Variants in REV3L observed in about 807,000 individuals in gnomAD.
REV3L encodes DNA polymerase zeta catalytic subunit.
Under a neutral mutation model 299.4 loss-of-function variants are expected in REV3L, and 69 were observed. The ratio of observed to expected loss-of-function variants is 0.23; its 90% CI spans 0.19 to 0.28. The LOEUF is 0.28. Ranked by LOEUF, REV3L falls within the 10% of genes least tolerant of loss-of-function variation. The pLI is 1.00. For synonymous variants in REV3L, 1,238 were observed against 1,271.4 expected (o/e 0.97, Z 0.56); for missense variants, 3,128 against 3,693.8 (o/e 0.85, Z 3.97).
At chr6:111,440,183 C>T (rs928050932) in intron 1 of REV3L, among the ~76,000 whole-genome samples, 1 of 152,104 alleles carries the variant, frequency 6.6e-6, no homozygotes, top group Non-Finnish European at 1.5e-5. Context: ...TTTCCTACCT[C>T]GGCCTCCCTC....
chr6:111,320,589 C>G (rs1357498439), intron 26 of REV3L, among the ~76,000 whole-genome samples: 10 of 152,106 alleles, frequency 6.6e-5, no homozygotes, highest in African/African-American at 2.4e-4. Flanking sequence ...CAAGAACTTA[C>G]TTGTATTCTG....
intron 30 of REV3L, chr6:111,308,395 G>A: frequency 3.0e-6 from 1 of 337,364 alleles, no homozygotes; most frequent in Admixed American, 3.8e-5. Flanking sequence ...ACATATAGGT[G>A]GGCAAGATCA....
At chr6:111,474,988 T>TATATATACACACACAC (rs151075609) in intron 1 of REV3L, among the ~76,000 whole-genome samples, 75 of 145,950 alleles carry the variant, frequency 5.1e-4, no homozygotes, top group African/African-American at 1.9e-3. Context: ...TGCCTATATA[T>TATATATACACACACAC]ACACACACAC....
At chr6:111,310,910 A>C (rs1031836094) in intron 29 of REV3L, 159 bp downstream of exon 29, 3 of 480,484 alleles carry the variant, frequency 6.2e-6, no homozygotes, top group African/African-American at 5.9e-5. Context: ...ACATCTTACG[A>C]AGTATGAGGG....
At chr6:111,437,606 T>C (rs1306225058) in intron 1 of REV3L, among the ~76,000 whole-genome samples, 1 of 152,016 alleles carries the variant, frequency 6.6e-6, no homozygotes, top group Non-Finnish European at 1.5e-5. Flanking sequence ...TCACATATTA[T>C]ATGACTCCAT....
intron 26 of REV3L, among the ~76,000 whole-genome samples, chr6:111,316,692 A>T (rs896518405): frequency 6.6e-6 from 1 of 151,972 alleles, no homozygotes; most frequent in African/African-American, 2.4e-5. Flanking sequence ...AAAAAAAGAC[A>T]GACATATATT....
At chr6:111,422,205 A>G (rs1785435369) in intron 1 of REV3L, among the ~76,000 whole-genome samples, 3 of 152,178 alleles carry the variant, frequency 2.0e-5, no homozygotes, top group Admixed American at 6.5e-5. Flanking sequence ...AAATTATGTT[A>G]TATCTGTATA....
intron 24 of REV3L, chr6:111,330,293 G>A (rs773762906): frequency 2.2e-6 from 1 of 454,640 alleles, no homozygotes; most frequent in Non-Finnish European, 4.4e-6. Context: ...CATCCCCTCC[G>A]GCCTACATTT....
At position 111,376,411 on chromosome 6, in the gene REV3L, CTCTT is replaced by C; in HGVS notation, c.1940_1943del (p.Lys647ArgfsTer65). 6.2e-7 allele frequency: 1 copy of C among 1,613,628 alleles called. No homozygotes were observed. Among genetic ancestry groups the C allele is most frequent in the Non-Finnish European group, 8.5e-7 (1 of 1,179,796 alleles). On this transcript the variant is annotated frameshift_variant, in exon 13 of 32. Transcript: ENST00000368802. LOFTEE classifies it high-confidence loss of function. ...TTTCACAGGAAGATACTGGGAGGAT[CTCTT>C]TCTTACTATTCTCTTTATGAGAATT... is the stretch of plus-strand genomic sequence containing the variant.
intron 9 of REV3L, among the ~76,000 whole-genome samples, chr6:111,387,337 T>C (rs1309715413): frequency 6.6e-6 from 1 of 152,128 alleles, no homozygotes; most frequent in Non-Finnish European, 1.5e-5. Context: ...TAAAACTGGA[T>C]TGTGGAGACG....
rs773380269 is a variant in REV3L, at chr6:111,367,430, G to A, written c.6358C>T (p.Pro2120Ser). 1 of 1,611,524 alleles carries A rather than the reference G, an allele frequency of 6.2e-7. No individual in the cohort carries two copies. The highest frequency in any genetic ancestry group is 1.7e-5 in the Admixed American group (1 of 59,698). Reference protein sequence around the residue: ...DDNYYISYSSPDSPVIPPWQQ... With the variant: ...DDNYYISYSSSDSPVIPPWQQ... Reference sequence around the variant, plus strand: ...CAAGGGGGAATTACTGGAGAATCAGGGGAGCTATAACTAATGTAATAGTTA... The same window carrying A: ...CAAGGGGGAATTACTGGAGAATCAGAGGAGCTATAACTAATGTAATAGTTA... Residue 2120 changes from proline (P) to serine (S), a missense_variant, in exon 14 of 32, where the codon CCT becomes TCT. This residue lies in a region of REV3L where 2,409 missense variants were observed against 2,611.8 expected (regional missense o/e 0.92). Coordinates refer to ENST00000368802, the MANE Select transcript of REV3L (RefSeq NM_001372078.1).
In REV3L at chr6:111,376,648, G is replaced by A; in HGVS notation, c.1707C>T (p.Pro569=). ...GAAAGGTAATCTTAGCAGAAGATGA[G>A]GGTTCTAATGTAGCAGCATCTTTGT... The part of the protein sequence containing the change: ...IFHKDAATLE[P]SSSAKITFQC... Residue 569 remains proline, a synonymous_variant, in exon 13 of 32, where the codon CCC becomes CCT. Coordinates refer to ENST00000368802, the MANE Select transcript of REV3L (RefSeq NM_001372078.1). 6.2e-7 allele frequency: 1 copy of A among 1,612,584 alleles called. No individual in the cohort carries two copies. Among genetic ancestry groups the A allele is most frequent in the Non-Finnish European group, 8.5e-7 (1 of 1,179,828 alleles).
In REV3L at chr6:111,482,900, C is replaced by T. The variant is rs1042872720; in HGVS notation, c.-12G>A. 1.8e-5 allele frequency: 27 copies of T among 1,512,252 alleles called. No homozygotes were observed. Among genetic ancestry groups the T allele is most frequent in the Non-Finnish European group, 2.4e-5 (27 of 1,140,124 alleles). 93.7% of individuals were successfully genotyped at this position (1,512,252 alleles called of 1,614,324 possible). ...CTTACTGAAAACATGTTCGCCGCCG[C>T]CGCCACTGCCTCCCTTCACTGGCGA... is the stretch of plus-strand genomic sequence containing the variant. On this transcript the variant is annotated 5_prime_UTR_variant, in exon 1 of 32. Transcript: ENST00000368802.
intron 1 of REV3L, among the ~76,000 whole-genome samples, chr6:111,466,649 C>G (rs77191947): frequency 0.024 from 3,614 of 152,214 alleles, 57 homozygotes; most frequent in Admixed American, 0.065. Flanking sequence ...CCAGCCTGGC[C>G]AACATGGCGA....
In REV3L at chr6:111,325,007, A is replaced by G. The variant is rs866560512; in HGVS notation, c.8242-2329T>C. Among the ~76,000 whole-genome samples, 23 of 149,592 alleles carry G rather than the reference A, an allele frequency of 1.5e-4. No individual in the cohort carries two copies. In the South Asian group the frequency reaches 1.9e-3, roughly 12 times the overall value. ...CTCCCAAGTAGCTGGGACTACAGGC[A>G]CCCGCCACTACGCCCGGCTAATTTT... is the stretch of plus-strand genomic sequence containing the variant. On this transcript the variant is annotated intron_variant, in intron 25 of 31. Coordinates refer to ENST00000368802, the MANE Select transcript of REV3L (RefSeq NM_001372078.1).
chr6:111,360,339 C>T (rs777898559), intron 16 of REV3L, among the ~76,000 whole-genome samples: 1 of 151,898 alleles, frequency 6.6e-6, no homozygotes, highest in Non-Finnish European at 1.5e-5. Context: ...ATACTTATTG[C>T]TTTGGGGGAA....
At chr6:111,333,659 A>C (rs928378876) in intron 22 of REV3L, among the ~76,000 whole-genome samples, 1 of 151,718 alleles carries the variant, frequency 6.6e-6, no homozygotes, top group African/African-American at 2.4e-5. Context: ...TATTTTTAGT[A>C]GAAACAGGGT....
chr6:111,306,363 G>A (rs1478479739), intron 31 of REV3L, among the ~76,000 whole-genome samples: 1 of 152,172 alleles, frequency 6.6e-6, no homozygotes, highest in African/African-American at 2.4e-5. Context: ...GGTATGGGTC[G>A]AGGTAGAGTG....
intron 26 of REV3L, among the ~76,000 whole-genome samples, chr6:111,320,881 G>A (rs1460468408): frequency 6.6e-6 from 1 of 151,594 alleles, no homozygotes; most frequent in Admixed American, 6.6e-5. Flanking sequence ...AAACTTCTGG[G>A]CTCAAGCAAT....
Sources: gnomAD v4.1 joint callset for allele counts (sites outside exome capture counted in the v4.1 genomes callset) on GRCh38, gnomAD v4.1.1 for gene constraint, gnomAD v4.1.1 regional missense constraint, MANE v1.5 for transcripts, NCBI Gene and HGNC (gene_info 2026-07-23, HGNC 2026-07-21) for gene names.